MGMT: variants seen among roughly 807,000 people sequenced by gnomAD.
MGMT encodes the protein O-6-methylguanine-DNA methyltransferase.
In MGMT, 14 loss-of-function variants were observed where a neutral mutation model predicts 15.9. That is an observed-to-expected ratio of 0.88 (90% CI 0.58 to 1.37). MGMT has a LOEUF of 1.37. Among genes scored for constraint, MGMT ranks in the 40% most tolerant of loss-of-function variants. The pLI, the probability that MGMT is intolerant of heterozygous loss-of-function variation, is 0.00. For missense variants in MGMT, 282 were observed against 268.1 expected (o/e 1.05, Z -0.36); for synonymous variants, 130 against 118.2 (o/e 1.10, Z -0.65).
chr10:129,684,368 T>A (rs1197181151), intron 2 of MGMT, among the ~76,000 whole-genome samples: 1 of 152,174 alleles, frequency 6.6e-6, no homozygotes, highest in East Asian at 1.9e-4. Context: ...TAGAGGGAGA[T>A]GCAGGGGGGC....
rs1297324175 is a variant in MGMT, at chr10:129,659,965, C to CT, written c.126-47927dup. On this transcript the variant is annotated intron_variant, in intron 2 of 4. Coordinates refer to ENST00000651593, the MANE Select transcript of MGMT (RefSeq NM_002412.5). The surrounding 1 kb of genome is among the most constrained non-coding windows in gnomAD (Gnocchi z 4.1). Reference sequence around the variant, plus strand: ...GCTGGAAGATGAGGCCGTGTTTTCTCTTTCATCACCCGTGCAGTGAAGGAT... The same window carrying CT: ...GCTGGAAGATGAGGCCGTGTTTTCTCTTTTCATCACCCGTGCAGTGAAGGAT... Among the ~76,000 whole-genome samples the CT allele has an allele frequency of 1.3e-5, 2 of 152,194 alleles. No individual in the cohort carries two copies. Among genetic ancestry groups the CT allele is most frequent in the Non-Finnish European group, 2.9e-5 (2 of 68,040 alleles).
At chr10:129,713,848 T>G (rs1282026410) in intron 3 of MGMT, among the ~76,000 whole-genome samples, 1 of 152,162 alleles carries the variant, frequency 6.6e-6, no homozygotes, top group Non-Finnish European at 1.5e-5. Flanking sequence ...CTTTCAGAGC[T>G]GTCTGGAGGA....
intron 4 of MGMT, among the ~76,000 whole-genome samples, chr10:129,764,887 T>G (rs3793912): frequency 0.66 from 99,911 of 151,898 alleles, 33,920 homozygotes; most frequent in African/African-American, 0.83. Flanking sequence ...GCCATCTAGG[T>G]TGCGGGGATG....
chr10:129,557,642 A>T (rs1163308194), intron 2 of MGMT, among the ~76,000 whole-genome samples: 7 of 152,208 alleles, frequency 4.6e-5, no homozygotes, highest in Non-Finnish European at 1.0e-4. Context: ...TTTATAAAGC[A>T]TTTTAATGAT....
At chr10:129,643,462 G>A (rs1160782065) in intron 2 of MGMT, among the ~76,000 whole-genome samples, 1 of 152,204 alleles carries the variant, frequency 6.6e-6, no homozygotes, top group Non-Finnish European at 1.5e-5. Flanking sequence ...GAGCCTGTTT[G>A]AGCTGGGCCA....
intron 3 of MGMT, among the ~76,000 whole-genome samples, chr10:129,714,668 C>T (rs566693572): frequency 6.6e-6 from 1 of 152,156 alleles, no homozygotes; most frequent in Non-Finnish European, 1.5e-5. Context: ...GGATGTAGCT[C>T]CTATGAATGC....
At chr10:129,660,928 T>G (rs1464875391) in intron 2 of MGMT, among the ~76,000 whole-genome samples, 1 of 152,186 alleles carries the variant, frequency 6.6e-6, no homozygotes, top group East Asian at 1.9e-4. Context: ...TAACACAAAT[T>G]TATTATTTTA....
At chr10:129,671,361 A>G (rs1337182260) in intron 2 of MGMT, among the ~76,000 whole-genome samples, 1 of 152,152 alleles carries the variant, frequency 6.6e-6, no homozygotes, top group Non-Finnish European at 1.5e-5. Context: ...AAATGCTACT[A>G]ATTAGAAGTT....
Position 129,686,885 on chromosome 10 carries a change from C to A in MGMT, c.126-21010C>A, listed in dbSNP as rs1033569827. Among the ~76,000 whole-genome samples, 5 of 152,182 alleles carry A rather than the reference C, an allele frequency of 3.3e-5. 1 individual carries two copies. Among genetic ancestry groups the A allele is most frequent in the Admixed American group, 2.0e-4 (3 of 15,290 alleles). ...AGCTGTTGCCAGCATCTTCTGTCAG[C>A]TGATCTGGGCAGGGCGTGGGGGTTC... On this transcript the variant is annotated intron_variant, in intron 2 of 4. Coordinates refer to ENST00000651593, the MANE Select transcript of MGMT (RefSeq NM_002412.5).
intron 2 of MGMT, among the ~76,000 whole-genome samples, chr10:129,575,897 C>T (rs1445708481): frequency 6.6e-6 from 1 of 151,988 alleles, no homozygotes; most frequent in Non-Finnish European, 1.5e-5. Context: ...TCAGAGAATA[C>T]TATAAACACC....
intron 1 of MGMT, among the ~76,000 whole-genome samples, chr10:129,535,933 AAGG>A (rs1297872401): frequency 6.6e-6 from 1 of 152,216 alleles, no homozygotes; most frequent in Non-Finnish European, 1.5e-5. Context: ...AATTATTTAA[AAGG>A]AGCTCTTACC....
At chr10:129,723,960 A>G (rs1325832981) in intron 3 of MGMT, among the ~76,000 whole-genome samples, 2 of 152,210 alleles carry the variant, frequency 1.3e-5, no homozygotes, top group Non-Finnish European at 2.9e-5. Context: ...CAAAAGGTCT[A>G]GCAGCTGCTT....
chr10:129,702,526 G>C (rs1280252070), intron 2 of MGMT, among the ~76,000 whole-genome samples: 1 of 152,194 alleles, frequency 6.6e-6, no homozygotes, highest in Admixed American at 6.5e-5. Context: ...AGAGGGTCTT[G>C]TCTCCTGCTG....
At chr10:129,470,465 G>A (rs1322792628) in intron 1 of MGMT, among the ~76,000 whole-genome samples, 2 of 152,234 alleles carry the variant, frequency 1.3e-5, no homozygotes, top group African/African-American at 2.4e-5. Flanking sequence ...AGTATGGAAT[G>A]TAATGAATGA....
intron 2 of MGMT, among the ~76,000 whole-genome samples, chr10:129,602,901 A>C (rs1164110968): frequency 6.6e-6 from 1 of 152,206 alleles, no homozygotes; most frequent in Admixed American, 6.5e-5. Context: ...GCAATTAAAA[A>C]AAAGTCATCT....
chr10:129,506,402 T>C (rs903011418), intron 1 of MGMT, among the ~76,000 whole-genome samples: 12 of 152,166 alleles, frequency 7.9e-5, no homozygotes, highest in Non-Finnish European at 1.8e-4. Flanking sequence ...TGTTGTGTCT[T>C]TCCCATCACC....
At chr10:129,579,464 C>A (rs1211347170) in intron 2 of MGMT, among the ~76,000 whole-genome samples, 1 of 152,246 alleles carries the variant, frequency 6.6e-6, no homozygotes, top group Non-Finnish European at 1.5e-5. Flanking sequence ...CGTTTCTGTG[C>A]AGCTGTCAGG....
chr10:129,483,341 T>C (rs1845377876), intron 1 of MGMT, among the ~76,000 whole-genome samples: 1 of 152,194 alleles, frequency 6.6e-6, no homozygotes, highest in South Asian at 2.1e-4. Flanking sequence ...TTTGCATATT[T>C]ACTGTTTTTT....
At chr10:129,701,308 G>A (rs1401685635) in intron 2 of MGMT, 2 of 152,174 alleles carry the variant, frequency 1.3e-5, no homozygotes, top group Non-Finnish European at 2.9e-5. Context: ...CGTCGTCCAT[G>A]GAGAGAGAGA....
Sources: gnomAD v4.1 joint callset for allele counts (sites outside exome capture counted in the v4.1 genomes callset) on GRCh38, gnomAD v4.1.1 for gene constraint, Gnocchi (gnomAD v3.1) non-coding constraint, MANE v1.5 for transcripts, NCBI Gene and HGNC (gene_info 2026-07-23, HGNC 2026-07-21) for gene names.